HEATR5A: variants seen among roughly 807,000 people sequenced by gnomAD.
HEATR5A encodes the protein HEAT repeat containing 5A, also known as HEAT repeat-containing protein 5A.
A neutral mutation model predicts 218.8 loss-of-function variants in HEATR5A; 178 were observed. The observed-to-expected ratio is 0.81, with a 90% CI of 0.72 to 0.92. The LOEUF (loss-of-function observed/expected upper bound fraction) is 0.92, where lower values mean the gene tolerates loss of function less well. HEATR5A is among the 40% of genes least tolerant of loss of function. The probability of loss-of-function intolerance (pLI) is 0.00; values close to 1 mark genes in which losing one functional copy is unlikely to be tolerated. For missense variants in HEATR5A, 2,420 were observed against 2,418.9 expected (o/e 1.00, Z -0.01); for synonymous variants, 864 against 871.6 (o/e 0.99, Z 0.15).
chr14:31,353,498 G>A (rs1429785536), intron 16 of HEATR5A, among the ~76,000 whole-genome samples: 2 of 152,034 alleles, frequency 1.3e-5, no homozygotes, highest in African/African-American at 2.4e-5. Flanking sequence ...CACTTTGGGC[G>A]GCAGAGGCAG....
At chr14:31,394,327 T>C (rs988320904) in intron 5 of HEATR5A, 101 bp from the exon 6 acceptor site, 1 of 585,374 alleles carries the variant, frequency 1.7e-6, no homozygotes, top group South Asian at 3.4e-5. Context: ...ACAAATAATA[T>C]ACAAATTCAA....
chr14:31,414,936 G>A (rs1321381007), intron 1 of HEATR5A, among the ~76,000 whole-genome samples: 1 of 152,124 alleles, frequency 6.6e-6, no homozygotes, highest in African/African-American at 2.4e-5. Context: ...TGCCTCCCAG[G>A]TTCCAGTGAT....
At chr14:31,370,639 A>G (rs1184344438) in intron 13 of HEATR5A, among the ~76,000 whole-genome samples, 8 of 152,254 alleles carry the variant, frequency 5.3e-5, no homozygotes, top group Non-Finnish European at 1.2e-4. Flanking sequence ...TGGTCACATT[A>G]TTACCATAAG....
chr14:31,313,892 A>G (rs1221106162), intron 27 of HEATR5A, among the ~76,000 whole-genome samples: 2 of 152,218 alleles, frequency 1.3e-5, no homozygotes, highest in Admixed American at 1.3e-4. Context: ...AAGAAATAAT[A>G]TGAGGAGGTA....
rs1299248865 is a variant in HEATR5A at position 31,371,839 on chromosome 14, T to A, written c.1932A>T (p.Pro644=). ...TEEVTQRLLP[P]LPCAVDLLTQ... ...TTAGCAAATCCACAGCACAAGGAAGTGGTGGAAGAAGACGCTGAGTTACTT... is the reference window on the plus strand; with the variant it reads ...TTAGCAAATCCACAGCACAAGGAAGAGGTGGAAGAAGACGCTGAGTTACTT... The change falls in exon 13 of 36, where the codon CCA becomes CCT. Residue 644 remains proline, a synonymous_variant. Transcript: ENST00000543095. 1 of 1,545,172 alleles carries A rather than the reference T, an allele frequency of 6.5e-7. No homozygotes were observed. The highest frequency in any genetic ancestry group is 1.2e-5 in the South Asian group (1 of 82,882).
intron 22 of HEATR5A, among the ~76,000 whole-genome samples, chr14:31,334,623 G>C (rs965688052): frequency 6.6e-6 from 1 of 152,172 alleles, no homozygotes; most frequent in East Asian, 1.9e-4. Flanking sequence ...GAAGTCAATG[G>C]ATATGGCAAA....
intron 28 of HEATR5A, among the ~76,000 whole-genome samples, chr14:31,311,831 G>A (rs1000120503): frequency 6.6e-6 from 1 of 152,112 alleles, no homozygotes; most frequent in Non-Finnish European, 1.5e-5. Flanking sequence ...AATCAAGATC[G>A]CAAGTGCACA....
chr14:31,411,457 T>C (rs1417451989), intron 1 of HEATR5A, among the ~76,000 whole-genome samples: 1 of 152,230 alleles, frequency 6.6e-6, no homozygotes, highest in Non-Finnish European at 1.5e-5. Flanking sequence ...GCAGAAGTTT[T>C]ACATGTTAAG....
chr14:31,361,579 C>T (rs1901617681), intron 14 of HEATR5A, among the ~76,000 whole-genome samples: 1 of 152,056 alleles, frequency 6.6e-6, no homozygotes, highest in South Asian at 2.1e-4. Flanking sequence ...GATTACTTTC[C>T]CAACTGTCCC....
rs147926960 is a variant in HEATR5A, at chr14:31,369,565, C to T, written c.1961+2245G>A. Among the ~76,000 whole-genome samples, 557 of 119,824 alleles carry T rather than the reference C, an allele frequency of 4.6e-3. 3 individuals carry two copies. The highest frequency in any genetic ancestry group is 0.017 in the African/African-American group (535 of 32,054). The allele number at this position is 119,824 out of a possible 152,430, so 78.6% of individuals were successfully genotyped here. ...GGTGGAGATTGCAGTGAGTGGAGAT[C>T]ACACAAATGCACTCCAGCCTGGGCA... is the stretch of plus-strand genomic sequence containing the variant. On this transcript the variant is annotated intron_variant, in intron 13 of 35. Transcript: ENST00000543095.
chr14:31,321,736 T>C, intron 24 of HEATR5A, 56 bp from the exon 25 acceptor site: 1 of 1,343,620 alleles, frequency 7.4e-7, no homozygotes, highest in Admixed American at 2.5e-5. Context: ...ATCAAAAAAA[T>C]GTGCTGGAAC....
chr14:31,379,780 C>A (rs966137548), intron 11 of HEATR5A, among the ~76,000 whole-genome samples: 4 of 151,938 alleles, frequency 2.6e-5, no homozygotes, highest in African/African-American at 9.7e-5. Context: ...ATAGTGAGAC[C>A]CCATCTCTAC....
intron 22 of HEATR5A, among the ~76,000 whole-genome samples, chr14:31,334,145 G>A (rs911661838): frequency 5.6e-5 from 3 of 53,758 alleles, no homozygotes; most frequent in Non-Finnish European, 1.7e-4. Context: ...AAGACTTACT[G>A]CTCAGAAAAA....
intron 13 of HEATR5A, among the ~76,000 whole-genome samples, chr14:31,364,539 A>C (rs1901735376): frequency 6.6e-6 from 1 of 152,046 alleles, no homozygotes; most frequent in Admixed American, 6.6e-5. Context: ...CCCACCTCAG[A>C]TTCCTAAGTA....
chr14:31,329,558 G>A (rs532757492), intron 22 of HEATR5A, among the ~76,000 whole-genome samples: 7 of 152,066 alleles, frequency 4.6e-5, no homozygotes, highest in Non-Finnish European at 1.0e-4. Context: ...CAAGAGGTGG[G>A]CTCCTACAGC....
At chr14:31,302,856 T>G in intron 32 of HEATR5A, 1 of 238,648 alleles carries the variant, frequency 4.2e-6, no homozygotes, top group Non-Finnish European at 8.2e-6. Flanking sequence ...GTTTACCATT[T>G]TAACCATTTT....
chr14:31,383,304 A>G (rs1029701697), intron 10 of HEATR5A, among the ~76,000 whole-genome samples: 4 of 152,210 alleles, frequency 2.6e-5, no homozygotes, highest in Non-Finnish European at 5.9e-5. Flanking sequence ...TAATACCACA[A>G]ATAATACCAC....
chr14:31,330,923 T>G (rs1900444409), intron 22 of HEATR5A, among the ~76,000 whole-genome samples: 1 of 149,788 alleles, frequency 6.7e-6, no homozygotes, highest in East Asian at 2.0e-4. Context: ...AACTTTTATA[T>G]GCTCTGCTTC....
chr14:31,326,803 C>T (rs552075091), intron 22 of HEATR5A, among the ~76,000 whole-genome samples: 1 of 151,782 alleles, frequency 6.6e-6, no homozygotes, highest in East Asian at 1.9e-4. Flanking sequence ...CCACCACGCC[C>T]AGCTAATTTT....
Sources: gnomAD v4.1 joint callset for allele counts (sites outside exome capture counted in the v4.1 genomes callset) on GRCh38, gnomAD v4.1.1 for gene constraint, MANE v1.5 for transcripts, NCBI Gene and HGNC (gene_info 2026-07-23, HGNC 2026-07-21) for gene names.